The following CSMD1 variants were observed in gnomAD, a reference collection of about 807,000 sequenced individuals.
The protein encoded by CSMD1 is CUB and Sushi multiple domains 1, also known as CUB and sushi domain-containing protein 1.
A neutral mutation model predicts 417.5 loss-of-function variants in CSMD1; 213 were observed. The observed-to-expected ratio is 0.51, with a 90% confidence interval of 0.46 to 0.57. The LOEUF (loss-of-function observed/expected upper bound fraction) is 0.57, where lower values mean the gene tolerates loss of function less well. CSMD1 is among the 20% of genes least tolerant of loss of function. CSMD1 has a pLI of 0.00. For missense variants in CSMD1, 6,923 were observed against 4,529.7 expected (o/e 1.53, Z -15.17); for synonymous variants, 2,862 against 1,736.8 (o/e 1.65, Z -16.11).
chr8:4,934,183 A>C (rs867693560), intron 1 of CSMD1, among the ~76,000 whole-genome samples: 2 of 152,126 alleles, frequency 1.3e-5, no homozygotes, highest in South Asian at 2.1e-4. Flanking sequence ...GAAACAGAAG[A>C]GGCTGCCTGA....
chr8:4,792,275 A>C (rs973852506), intron 1 of CSMD1, among the ~76,000 whole-genome samples: 1 of 152,202 alleles, frequency 6.6e-6, no homozygotes, highest in African/African-American at 2.4e-5. Flanking sequence ...ACACATCCTA[A>C]CTACACCCCT....
intron 37 of CSMD1, among the ~76,000 whole-genome samples, chr8:3,164,516 A>G (rs1389486187): frequency 6.6e-6 from 1 of 152,230 alleles, no homozygotes; most frequent in Admixed American, 6.5e-5. Context: ...ACTTTAGAAC[A>G]TAGATTACTA....
chr8:4,146,550 G>A (rs555860587), intron 3 of CSMD1, among the ~76,000 whole-genome samples: 4 of 145,890 alleles, frequency 2.7e-5, no homozygotes, highest in Middle Eastern at 3.7e-3. Flanking sequence ...CAACTCCAGG[G>A]AAGGAAGCTC....
intron 5 of CSMD1, among the ~76,000 whole-genome samples, chr8:3,994,318 C>G (rs958411233): frequency 1.3e-5 from 2 of 151,908 alleles, no homozygotes; most frequent in Admixed American, 1.3e-4. Context: ...ACTATACAAC[C>G]TTAATCCCGT....
chr8:4,510,578 T>A (rs1217085940), intron 2 of CSMD1, among the ~76,000 whole-genome samples: 1 of 149,144 alleles, frequency 6.7e-6, no homozygotes, highest in African/African-American at 2.5e-5. Context: ...CCTCTTCCCT[T>A]CCCTCCTCGC....
chr8:3,413,791 G>C (rs1238991671), intron 12 of CSMD1, among the ~76,000 whole-genome samples: 1 of 152,098 alleles, frequency 6.6e-6, no homozygotes. Flanking sequence ...TACAGTATGT[G>C]TGTCAAACCC....
At chr8:4,195,698 G>T (rs190448030) in intron 3 of CSMD1, among the ~76,000 whole-genome samples, 5 of 152,128 alleles carry the variant, frequency 3.3e-5, no homozygotes, top group Non-Finnish European at 5.9e-5. Flanking sequence ...TTCCACGCAG[G>T]GAGAAATTGT....
At chr8:3,244,643 G>A (rs1354091221) in intron 26 of CSMD1, among the ~76,000 whole-genome samples, 1 of 152,178 alleles carries the variant, frequency 6.6e-6, no homozygotes, top group South Asian at 2.1e-4. Context: ...CATTTTGGGG[G>A]CAGCTTTGAT....
At position 2,935,415 on chromosome 8, in the gene CSMD1, C is replaced by T. The variant is rs1027106388; in HGVS notation, c.*3170G>A. 1 of 152,026 alleles carries T rather than the reference C, an allele frequency of 6.6e-6. No individual in the cohort carries two copies. Among genetic ancestry groups the T allele is most frequent in the Non-Finnish European group, 1.5e-5 (1 of 68,000 alleles). 9.4% of individuals were successfully genotyped at this position (152,026 alleles called of 1,614,324 possible). On this transcript the variant is annotated 3_prime_UTR_variant, in exon 70 of 70. Coordinates refer to ENST00000635120, the MANE Select transcript of CSMD1 (RefSeq NM_033225.6). ...TTTGCTTTAAAGATTGGTGGCATTGCACAGGCTATATTACACCCTCTTTAT... is the reference window on the plus strand; with the variant it reads ...TTTGCTTTAAAGATTGGTGGCATTGTACAGGCTATATTACACCCTCTTTAT...
At chr8:4,944,945 T>G (rs62488203) in intron 1 of CSMD1, among the ~76,000 whole-genome samples, 2 of 152,098 alleles carry the variant, frequency 1.3e-5, no homozygotes, top group Non-Finnish European at 2.9e-5. Context: ...ACAGAGATAT[T>G]TGCATGTCCA....
intron 5 of CSMD1, among the ~76,000 whole-genome samples, chr8:3,876,523 G>A (rs976938307): frequency 2.6e-5 from 4 of 152,126 alleles, no homozygotes; most frequent in African/African-American, 9.7e-5. Context: ...AATTTATTAG[G>A]AGAAATTTAT....
intron 3 of CSMD1, among the ~76,000 whole-genome samples, chr8:4,398,018 C>G (rs1288603023): frequency 6.6e-6 from 1 of 152,170 alleles, no homozygotes; most frequent in Non-Finnish European, 1.5e-5. Flanking sequence ...GTCATACATA[C>G]TGGTATCAAT....
chr8:3,428,027 T>C (rs766694190), intron 12 of CSMD1, among the ~76,000 whole-genome samples: 2 of 152,244 alleles, frequency 1.3e-5, no homozygotes, highest in Non-Finnish European at 2.9e-5. Context: ...CTTTGTCAAA[T>C]TGCATTATCT....
chr8:3,851,837 G>A (rs542754739), intron 5 of CSMD1, among the ~76,000 whole-genome samples: 1 of 152,192 alleles, frequency 6.6e-6, no homozygotes, highest in Non-Finnish European at 1.5e-5. Context: ...AGGGCGCCAG[G>A]AGGGTCGGGT....
chr8:3,872,290 A>G (rs1363131224), intron 5 of CSMD1, among the ~76,000 whole-genome samples: 1 of 152,130 alleles, frequency 6.6e-6, no homozygotes, highest in Admixed American at 6.6e-5. Context: ...GTTTGGGGTC[A>G]CCCTGTAAGT....
chr8:4,829,652 A>G (rs1800031124), intron 1 of CSMD1, among the ~76,000 whole-genome samples: 1 of 150,316 alleles, frequency 6.7e-6, no homozygotes, highest in South Asian at 2.1e-4. Context: ...AGGAGGGGGG[A>G]TCGCTTAAAT....
At chr8:4,120,446 G>C (rs150161870) in intron 3 of CSMD1, among the ~76,000 whole-genome samples, 1 of 152,088 alleles carries the variant, frequency 6.6e-6, no homozygotes, top group Non-Finnish European at 1.5e-5. Flanking sequence ...CCTCCTCTCT[G>C]TCTCATCCCT....
intron 12 of CSMD1, among the ~76,000 whole-genome samples, chr8:3,439,122 C>CAAAAAAAAAAAAAAAAAAA (rs1158997352): frequency 4.0e-4 from 1 of 2,490 alleles, no homozygotes; most frequent in Non-Finnish European, 5.7e-4. Context: ...GACTCCATCT[C>CAAAAAAAAAAAAAAAAAAA]AAAAAAAAAA....
chr8:4,277,073 T>C (rs563990704), intron 3 of CSMD1, among the ~76,000 whole-genome samples: 5 of 152,176 alleles, frequency 3.3e-5, no homozygotes, highest in Non-Finnish European at 5.9e-5. Flanking sequence ...CAATGTTGTG[T>C]GTTTTATAAA....
Sources: gnomAD v4.1 joint callset for allele counts (sites outside exome capture counted in the v4.1 genomes callset) on GRCh38, gnomAD v4.1.1 for gene constraint, MANE v1.5 for transcripts, NCBI Gene and HGNC (gene_info 2026-07-23, HGNC 2026-07-21) for gene names.